Variants in ZNF275 observed in about 807,000 individuals in gnomAD.
ZNF275 encodes the protein zinc finger protein 275.
Under a neutral mutation model 4.3 loss-of-function variants are expected in ZNF275, and 4 were observed. That is an observed-to-expected ratio of 0.93 (90% CI 0.46 to 2.13). The LOEUF (loss-of-function observed/expected upper bound fraction) is 2.13. Ranked by LOEUF, ZNF275 falls within the 30% of genes most tolerant of loss-of-function variation. The probability of loss-of-function intolerance (pLI) is 0.02; values close to 1 mark genes in which losing one functional copy is unlikely to be tolerated. For synonymous variants in ZNF275, 173 were observed against 166.9 expected (o/e 1.04, Z -0.28); for missense variants, 352 against 397.1 (o/e 0.89, Z 0.97).
Position 153,336,723 on chromosome X carries a change from G to A in ZNF275, c.31+13G>A. 8.6e-7 allele frequency: 1 copy of A among 1,166,775 alleles called. No homozygotes were observed. The highest frequency in any genetic ancestry group is 1.9e-5 in the South Asian group (1 of 52,667). On this transcript the variant is annotated intron_variant, in intron 2 of 3. Transcript: ENST00000650114. ...GTGTCTCTTTTGGGTAAGTCTGGGT[G>A]TTTATGCATGGTGTCTGCTGGCTTT...
intron 2 of ZNF275, among the ~76,000 whole-genome samples, chrX:153,338,915 C>G (rs1300451280): frequency 1.8e-5 from 2 of 111,154 alleles, no homozygotes; most frequent in Non-Finnish European, 1.9e-5. Flanking sequence ...TTTCACTCTT[C>G]TCTGGTGTGG....
At chrX:153,335,681 TG>T (rs782266051) in intron 1 of ZNF275, 1 of 110,318 alleles carries the variant, frequency 9.1e-6, no homozygotes, top group African/African-American at 3.3e-5. Context: ...AGCAGGTTCC[TG>T]GGCAGGAATC....
At chrX:153,334,791 AG>A (rs1484197649) in intron 1 of ZNF275, among the ~76,000 whole-genome samples, 1 of 92,862 alleles carries the variant, frequency 1.1e-5, no homozygotes, top group Non-Finnish European at 2.1e-5. Flanking sequence ...ACTGAGCCGC[AG>A]TCTGGGAGCT....
At chrX:153,344,749 C>A (rs2088501296) in intron 2 of ZNF275, 1 of 344,595 alleles carries the variant, frequency 2.9e-6, no homozygotes, top group Admixed American at 2.8e-5. Flanking sequence ...ACAGAGGGCA[C>A]TGGAATATTA....
At chrX:153,342,658 A>G (rs2088486480) in intron 2 of ZNF275, among the ~76,000 whole-genome samples, 1 of 111,813 alleles carries the variant, frequency 8.9e-6, no homozygotes, top group African/African-American at 3.3e-5. Context: ...GTCCCAGGTG[A>G]TCACAGAGGA....
At chrX:153,346,789 G>C (rs1569528057) in intron 3 of ZNF275, 30 bp from the exon 4 acceptor site, 1 of 1,155,314 alleles carries the variant, frequency 8.7e-7, no homozygotes, top group African/African-American at 1.8e-5. Flanking sequence ...ATCCTCTGCA[G>C]ACTACACTGC....
At position 153,347,749 on chromosome X, in the gene ZNF275, G is replaced by A; in HGVS notation, c.1064G>A (p.Gly355Asp). Residue 355 changes from glycine (G) to aspartate (D), a missense_variant, in exon 4 of 4, where the codon GGC becomes GAC. Gly to Asp is a moderately conservative substitution (Grantham distance 94). Coordinates refer to ENST00000650114, the MANE Select transcript of ZNF275 (RefSeq NM_001367757.1). ...CGGCCCTACGCATGCGGCGAGTGTG[G>A]CAAGGCCTTCCGTGGGCCCTCTGAC... ...GERPYACGEC[G>D]KAFRGPSDLI... The A allele has an allele frequency of 8.3e-7, 1 of 1,209,220 alleles. No individual in the cohort carries two copies. The highest frequency in any genetic ancestry group is 1.1e-6 in the Non-Finnish European group (1 of 893,943).
chrX:153,344,131 C>T (rs1472387850), intron 2 of ZNF275: 1 of 329,024 alleles, frequency 3.0e-6, no homozygotes, highest in Non-Finnish European at 5.9e-6. Context: ...GTTCCACCTA[C>T]TCCCCAAGGT....
In ZNF275 at chrX:153,348,033, A is replaced by G. The variant is rs1556961908; in HGVS notation, c.*58A>G. On this transcript the variant is annotated 3_prime_UTR_variant, in exon 4 of 4. Coordinates refer to ENST00000650114, the MANE Select transcript of ZNF275 (RefSeq NM_001367757.1). ...AGTCCCCAGAGGGGATGGCAGAGTC[A>G]AAGGAGATGAACAGTTTTGTAGCGC... 1.9e-6 allele frequency: 2 copies of G among 1,046,147 alleles called. No individual in the cohort carries two copies. The highest frequency in any genetic ancestry group is 1.9e-5 in the African/African-American group (1 of 52,387). 86.2% of individuals were successfully genotyped at this position (1,046,147 alleles called of 1,213,427 possible). A position where few individuals can be genotyped will look rare whatever the true frequency, so the allele number is the denominator to read the frequency against.
chrX:153,349,405 C>CT lies in ZNF275; in HGVS notation c.*1432dup, dbSNP rs1178466307. 8.1e-6 allele frequency: 1 copy of CT among 124,026 alleles called. No individual in the cohort carries two copies. The highest frequency in any genetic ancestry group is 1.9e-5 in the Non-Finnish European group (1 of 53,368). 10.2% of individuals were successfully genotyped at this position (124,026 alleles called of 1,213,427 possible). A position where few individuals can be genotyped will look rare whatever the true frequency, so the allele number is the denominator to read the frequency against. Reference sequence around the variant, plus strand: ...GTCTCATCTTTCTCTTATGCGATGACTTAAATGGTGTTTCTGTTTTTTGCA... The same window carrying CT: ...GTCTCATCTTTCTCTTATGCGATGACTTTAAATGGTGTTTCTGTTTTTTGCA... On this transcript the variant is annotated 3_prime_UTR_variant, in exon 4 of 4. Coordinates refer to ENST00000650114, the MANE Select transcript of ZNF275 (RefSeq NM_001367757.1).
rs1369159396 is a variant in ZNF275 at position 153,351,623 on chromosome X, G to GA, written c.*3655dup. On this transcript the variant is annotated 3_prime_UTR_variant, in exon 4 of 4. Coordinates refer to ENST00000650114, the MANE Select transcript of ZNF275 (RefSeq NM_001367757.1). The stretch of plus-strand genomic sequence containing the variant: ...GAAATATGTTCTTTTCCTACCATTT[G>GA]AAAAAAATCCTCCATTGCTTTTATT... The GA allele has an allele frequency of 9.1e-6, 1 of 110,232 alleles. No homozygotes were observed. Among genetic ancestry groups the GA allele is most frequent in the African/African-American group, 3.3e-5 (1 of 30,287 alleles). The allele number at this position is 110,232 out of a possible 1,213,427, so 9.1% of individuals were successfully genotyped here.
chrX:153,336,773 C>T, intron 2 of ZNF275, 63 bp downstream of exon 2: 1 of 1,100,248 alleles, frequency 9.1e-7, no homozygotes, highest in Admixed American at 2.6e-5. Context: ...TATCAGAAGA[C>T]CCTATAGGTG....
chrX:153,343,245 AT>A, intron 2 of ZNF275, among the ~76,000 whole-genome samples: 1 of 112,696 alleles, frequency 8.9e-6, no homozygotes, highest in East Asian at 2.8e-4. Flanking sequence ...TTAATTTTAT[AT>A]AAGAGTCTTT....
intron 2 of ZNF275, among the ~76,000 whole-genome samples, chrX:153,340,845 G>GT (rs1293867390): frequency 8.9e-6 from 1 of 111,883 alleles, no homozygotes; most frequent in Non-Finnish European, 1.9e-5. Flanking sequence ...ATGTCTGCCT[G>GT]TATCATCTAC....
rs2088427133 is a variant in ZNF275 at position 153,334,164 on chromosome X, G to C, written c.-168G>C. 9.0e-6 allele frequency: 1 copy of C among 110,923 alleles called. No homozygotes were observed. The highest frequency in any genetic ancestry group is 1.9e-5 in the Non-Finnish European group (1 of 52,640). The allele number at this position is 110,923 out of a possible 1,213,427, so 9.1% of individuals were successfully genotyped here. A position where few individuals can be genotyped will look rare whatever the true frequency, so the allele number is the denominator to read the frequency against. On this transcript the variant is annotated 5_prime_UTR_variant, in exon 1 of 4. Coordinates refer to ENST00000650114, the MANE Select transcript of ZNF275 (RefSeq NM_001367757.1). ...GCGCTCACGGCTCCGGAAACGCGCC[G>C]CGGGGCTGTTAGCTCGGCTGGGCAC...
Position 153,351,437 on chromosome X carries a change from T to G in ZNF275, c.*3462T>G, listed in dbSNP as rs782527302. On this transcript the variant is annotated 3_prime_UTR_variant, in exon 4 of 4. Coordinates refer to ENST00000650114, the MANE Select transcript of ZNF275 (RefSeq NM_001367757.1). ...CATTCCGGTTTTCTTTCTAATCTCA[T>G]GTATTCCTGTTGTGAGGAAATGTGT... The G allele has an allele frequency of 8.2e-6, 1 of 121,736 alleles. No homozygotes were observed. The highest frequency in any genetic ancestry group is 3.7e-4 in the South Asian group (1 of 2,679). 10.0% of individuals were successfully genotyped at this position (121,736 alleles called of 1,213,427 possible).
intron 1 of ZNF275, among the ~76,000 whole-genome samples, chrX:153,335,999 C>T (rs1201649903): frequency 9.0e-6 from 1 of 111,567 alleles, no homozygotes; most frequent in African/African-American, 3.3e-5. Context: ...TGTATCCAGG[C>T]GATGTTACCT....
intron 1 of ZNF275, among the ~76,000 whole-genome samples, chrX:153,335,013 C>T (rs2088436107): frequency 9.0e-6 from 1 of 111,077 alleles, no homozygotes; most frequent in South Asian, 3.8e-4. Flanking sequence ...TTTTCTGTCG[C>T]CCTACTGGGG....
Position 153,345,500 on chromosome X carries a change from A to T in ZNF275, c.32-20A>T, listed in dbSNP as rs868974504. ...TCATCTCTGGCTGTTGCCATAACCAATCTCCTTTCCCATGAGCAGGCGTTC... is the reference window on the plus strand; with the variant it reads ...TCATCTCTGGCTGTTGCCATAACCATTCTCCTTTCCCATGAGCAGGCGTTC... On this transcript the variant is annotated intron_variant, in intron 2 of 3. Transcript: ENST00000650114. 2.5e-6 allele frequency: 3 copies of T among 1,181,657 alleles called. No individual in the cohort carries two copies. In the Middle Eastern group the frequency reaches 7.0e-4, roughly 276 times the overall value.
Sources: gnomAD v4.1 joint callset for allele counts (sites outside exome capture counted in the v4.1 genomes callset) on GRCh38, gnomAD v4.1.1 for gene constraint, MANE v1.5 for transcripts, NCBI Gene and HGNC (gene_info 2026-07-23, HGNC 2026-07-21) for gene names.